The following HYDIN variants were observed in gnomAD, a reference collection of about 807,000 sequenced individuals.
HYDIN encodes HYDIN axonemal central pair apparatus protein.
In HYDIN, 132 loss-of-function variants were observed where a neutral mutation model predicts 403.9. The ratio of observed to expected loss-of-function variants is 0.33; its 90% CI spans 0.28 to 0.38. HYDIN has a LOEUF of 0.38. Among genes scored for constraint, HYDIN ranks in the 10% least tolerant of loss-of-function variants. The probability of loss-of-function intolerance (pLI) is 1.00; values close to 1 mark genes in which losing one functional copy is unlikely to be tolerated. For missense variants in HYDIN, 2,827 were observed against 5,009.5 expected (o/e 0.56, Z 13.15); for synonymous variants, 1,202 against 1,891.7 (o/e 0.64, Z 9.46).
intron 21 of HYDIN, among the ~76,000 whole-genome samples, chr16:71,020,988 CAA>C (rs1354014883): frequency 6.6e-6 from 1 of 151,316 alleles, no homozygotes; most frequent in Admixed American, 6.6e-5. Flanking sequence ...TGTCATAAGA[CAA>C]AGTCTAAAAA....
chr16:70,849,067 G>T (rs1379193899), intron 75 of HYDIN, among the ~76,000 whole-genome samples: 2 of 152,026 alleles, frequency 1.3e-5, no homozygotes, highest in Non-Finnish European at 2.9e-5. Flanking sequence ...AACTCTTTTA[G>T]AATGGGGGCT....
intron 41 of HYDIN, among the ~76,000 whole-genome samples, 155 bp from the exon 42 acceptor site, chr16:70,944,104 T>C (rs2077770733): frequency 6.6e-6 from 1 of 152,234 alleles, no homozygotes; most frequent in African/African-American, 2.4e-5. Flanking sequence ...GGACCCTGTC[T>C]TCCTTAAAGA....
chr16:71,017,430 C>A (rs929126651), intron 23 of HYDIN, among the ~76,000 whole-genome samples: 2 of 151,762 alleles, frequency 1.3e-5, no homozygotes, highest in African/African-American at 4.8e-5. Flanking sequence ...ATATGCCTTG[C>A]TTCCCCTTCA....
Position 70,834,894 on chromosome 16 carries a change from A to G in HYDIN, c.13402-730T>C, listed in dbSNP as rs112175832. Among the ~76,000 whole-genome samples, 187 of 149,206 alleles carry G rather than the reference A, an allele frequency of 1.3e-3. 1 individual carries two copies. The highest frequency in any genetic ancestry group is 3.5e-3 in the African/African-American group (141 of 40,402). On this transcript the variant is annotated intron_variant, in intron 78 of 85. Transcript: ENST00000393567. ...TATATATGTGTGTGTGTGTGTGTAT[A>G]TATATATACACACACACATATATAC...
chr16:70,969,707 A>G (rs74024610), intron 36 of HYDIN, among the ~76,000 whole-genome samples: 75 of 152,352 alleles, frequency 4.9e-4, no homozygotes, highest in African/African-American at 1.7e-3. Context: ...CAGAAAGAGT[A>G]AAAAGAGAGA....
chr16:70,914,142 T>C (rs1328619051), intron 47 of HYDIN, among the ~76,000 whole-genome samples: 1 of 152,146 alleles, frequency 6.6e-6, no homozygotes, highest in East Asian at 1.9e-4. Context: ...AGATGTGAGG[T>C]ACCATTCCAT....
chr16:71,220,395 C>G (rs1014199682), intron 1 of HYDIN, among the ~76,000 whole-genome samples: 1 of 152,154 alleles, frequency 6.6e-6, no homozygotes, highest in African/African-American at 2.4e-5. Context: ...TCTAATTTGG[C>G]CTTGTATACA....
At chr16:70,886,648 G>A (rs368231770) in intron 58 of HYDIN, among the ~76,000 whole-genome samples, 9 of 152,240 alleles carry the variant, frequency 5.9e-5, no homozygotes, top group East Asian at 1.9e-4. Flanking sequence ...TGAGAAAGTC[G>A]ATTTTCCATT....
chr16:71,013,012 C>T (rs917232156), intron 23 of HYDIN, among the ~76,000 whole-genome samples: 1 of 147,686 alleles, frequency 6.8e-6, no homozygotes, highest in African/African-American at 2.5e-5. Flanking sequence ...CAAGAAACAC[C>T]CTTTGAGGAT....
At chr16:70,956,468 G>A (rs1597408951) in intron 39 of HYDIN, among the ~76,000 whole-genome samples, 1 of 152,118 alleles carries the variant, frequency 6.6e-6, no homozygotes, top group Non-Finnish European at 1.5e-5. Flanking sequence ...TACCTTTTAG[G>A]GTAAAAGAGA....
chr16:71,000,955 G>C (rs2079688247), intron 23 of HYDIN, among the ~76,000 whole-genome samples: 1 of 151,778 alleles, frequency 6.6e-6, no homozygotes, highest in African/African-American at 2.4e-5. Context: ...CTCAAACTAT[G>C]TATCTATGTT....
intron 57 of HYDIN, 138 bp from the exon 58 acceptor site, chr16:70,889,842 G>A (rs1460404835): frequency 1.0e-5 from 7 of 667,274 alleles, no homozygotes; most frequent in Non-Finnish European, 1.3e-5. Flanking sequence ...GGACACTGGA[G>A]TGGCATAGTT....
intron 23 of HYDIN, among the ~76,000 whole-genome samples, chr16:70,993,254 C>T (rs1325288394): frequency 1.3e-5 from 2 of 152,194 alleles, no homozygotes; most frequent in African/African-American, 4.8e-5. Context: ...TCAGGGATCC[C>T]ACTACCATCT....
chr16:71,008,527 A>G (rs971219648), intron 23 of HYDIN, among the ~76,000 whole-genome samples: 7 of 152,170 alleles, frequency 4.6e-5, no homozygotes, highest in African/African-American at 1.7e-4. Context: ...AGATTTGGCC[A>G]TATACATCTG....
intron 7 of HYDIN, among the ~76,000 whole-genome samples, chr16:71,149,512 A>ATTTTATT (rs143381758): frequency 3.1e-4 from 47 of 151,898 alleles, no homozygotes; most frequent in East Asian, 1.4e-3. Flanking sequence ...AAGAATGGTT[A>ATTTTATT]TTTTATTTTT....
At chr16:71,163,005 A>G (rs2086068233) in intron 5 of HYDIN, among the ~76,000 whole-genome samples, 1 of 152,228 alleles carries the variant, frequency 6.6e-6, no homozygotes, top group African/African-American at 2.4e-5. Context: ...GATGAAGGTC[A>G]GTGGAAGGCC....
At chr16:71,169,013 C>A (rs976584515) in intron 5 of HYDIN, among the ~76,000 whole-genome samples, 3 of 152,080 alleles carry the variant, frequency 2.0e-5, no homozygotes, top group Non-Finnish European at 4.4e-5. Context: ...GGGTATATAT[C>A]CAAAGGAAAT....
intron 18 of HYDIN, among the ~76,000 whole-genome samples, chr16:71,054,985 C>A (rs1481814520): frequency 2.6e-5 from 4 of 152,280 alleles, no homozygotes; most frequent in Non-Finnish European, 5.9e-5. Context: ...CACCCCTCTG[C>A]ATAAAATGAA....
chr16:71,087,205 T>C (rs1034593662), intron 12 of HYDIN, among the ~76,000 whole-genome samples: 5 of 152,308 alleles, frequency 3.3e-5, no homozygotes, highest in African/African-American at 1.2e-4. Flanking sequence ...TCCTTAGTTG[T>C]TGGGGGTTGT....
Sources: gnomAD v4.1 joint callset for allele counts (sites outside exome capture counted in the v4.1 genomes callset) on GRCh38, gnomAD v4.1.1 for gene constraint, MANE v1.5 for transcripts, NCBI Gene and HGNC (gene_info 2026-07-23, HGNC 2026-07-21) for gene names.